NUP98: variants seen among roughly 807,000 people sequenced by gnomAD.
NUP98 encodes the protein nuclear pore complex protein Nup98-Nup96.
Under a neutral mutation model 191.9 loss-of-function variants are expected in NUP98, and 26 were observed. The ratio of observed to expected loss-of-function variants is 0.14; its 90% CI spans 0.10 to 0.19. The LOEUF is 0.19. Ranked by LOEUF, NUP98 falls within the 10% of genes least tolerant of loss-of-function variation. The probability of loss-of-function intolerance (pLI) is 1.00; values close to 1 mark genes in which losing one functional copy is unlikely to be tolerated. For missense variants in NUP98, 1,941 were observed against 2,178.8 expected (o/e 0.89, Z 2.17); for synonymous variants, 808 against 778.4 (o/e 1.04, Z -0.63).
At chr11:3,770,547 T>TTGTGTG (rs34103771) in intron 7 of NUP98, among the ~76,000 whole-genome samples, 104 of 147,074 alleles carry the variant, frequency 7.1e-4, no homozygotes, top group African/African-American at 1.8e-3. Context: ...AAATACGTAT[T>TTGTGTG]TGTGTGTGTG....
intron 22 of NUP98, 86 bp downstream of exon 22, chr11:3,705,114 T>C: frequency 1.6e-6 from 2 of 1,283,970 alleles, no homozygotes; most frequent in Non-Finnish European, 2.2e-6. Flanking sequence ...GCTAGAGAAG[T>C]CCACTTGGGT....
chr11:3,777,620 CAAAA>C (rs35614116), intron 4 of NUP98, among the ~76,000 whole-genome samples: 1 of 59,466 alleles, frequency 1.7e-5, no homozygotes. Flanking sequence ...GACTCCGTCT[CAAAA>C]AAAAAAAAAA....
chr11:3,713,777 A>G (rs757346872), intron 19 of NUP98, 41 bp downstream of exon 19: 97 of 1,569,316 alleles, frequency 6.2e-5, no homozygotes, highest in Non-Finnish European at 7.7e-5. Context: ...GTGACTCCAA[A>G]TATAGTTTAT....
chr11:3,743,082 G>A (rs889494927), intron 12 of NUP98, among the ~76,000 whole-genome samples: 3 of 151,888 alleles, frequency 2.0e-5, no homozygotes, highest in East Asian at 2.0e-4. Flanking sequence ...GTAGTGGCGC[G>A]ATCTCGGCTC....
At chr11:3,769,891 A>G (rs538623814) in intron 7 of NUP98, among the ~76,000 whole-genome samples, 1 of 152,016 alleles carries the variant, frequency 6.6e-6, no homozygotes, top group South Asian at 2.1e-4. Context: ...AAAATACAAA[A>G]AAATCAGCCA....
chr11:3,683,721 A>G (rs1049295655), intron 29 of NUP98, among the ~76,000 whole-genome samples: 14 of 151,624 alleles, frequency 9.2e-5, no homozygotes, highest in Non-Finnish European at 1.9e-4. Context: ...TAATTTTAGT[A>G]GAGGCAGGGT....
At chr11:3,700,459 G>A in intron 24 of NUP98, 151 bp downstream of exon 24, 1 of 538,286 alleles carries the variant, frequency 1.9e-6, no homozygotes, top group Non-Finnish European at 3.3e-6. Flanking sequence ...CTTCTTGCTT[G>A]GGAATCTGCT....
At chr11:3,684,357 A>G (rs1222033350) in intron 29 of NUP98, among the ~76,000 whole-genome samples, 2 of 152,240 alleles carry the variant, frequency 1.3e-5, no homozygotes, top group Non-Finnish European at 2.9e-5. Flanking sequence ...AGGCGGACAG[A>G]TCACGAGGTC....
At chr11:3,690,391 C>A (rs1188593783) in intron 28 of NUP98, among the ~76,000 whole-genome samples, 3 of 152,096 alleles carry the variant, frequency 2.0e-5, no homozygotes, top group Non-Finnish European at 4.4e-5. Context: ...TCCTGAGTAG[C>A]TGGGACTACG....
intron 1 of NUP98, among the ~76,000 whole-genome samples, chr11:3,795,464 A>T (rs1298296219): frequency 6.6e-6 from 1 of 152,094 alleles, no homozygotes; most frequent in African/African-American, 2.4e-5. Context: ...ATAAACAAAT[A>T]AATGTCAGGG....
rs2078606534 is a variant in NUP98, at chr11:3,699,308, G to T, written c.3783C>A (p.Ala1261=). ...CAAGCTCCTTCAGGTGGCCCCATAG[G>T]GCTTCACATAGTGTCCATGTCAGGC... The part of the protein sequence containing the change: ...HWSLTWTLCE[A]LWGHLKELDS... Residue 1261 remains alanine (A), a synonymous_variant, in exon 25 of 33, where the codon GCC becomes GCA. Transcript: ENST00000324932. 1 of 1,614,014 alleles carries T rather than the reference G, an allele frequency of 6.2e-7. No individual in the cohort carries two copies. Among genetic ancestry groups the T allele is most frequent in the Non-Finnish European group, 8.5e-7 (1 of 1,180,048 alleles).
At chr11:3,796,590 C>A (rs940657673) in intron 1 of NUP98, among the ~76,000 whole-genome samples, 12 of 152,192 alleles carry the variant, frequency 7.9e-5, no homozygotes, top group Admixed American at 6.5e-4. Flanking sequence ...ACTACATCTA[C>A]GTTTAGCTAC....
chr11:3,782,569 CATTT>C (rs1217747793), intron 1 of NUP98, among the ~76,000 whole-genome samples: 1 of 121,996 alleles, frequency 8.2e-6, no homozygotes, highest in African/African-American at 3.1e-5. Context: ...AAAAAGCTAA[CATTT>C]TTTTTTTTTT....
intron 2 of NUP98, chr11:3,781,276 G>T (rs1157009494): frequency 6.6e-6 from 1 of 151,516 alleles, no homozygotes; most frequent in African/African-American, 2.4e-5. Context: ...CCTCCTCCTG[G>T]AAAGAAAGAG....
intron 2 of NUP98, among the ~76,000 whole-genome samples, chr11:3,780,376 A>T (rs1201212386): frequency 6.7e-6 from 1 of 149,068 alleles, no homozygotes; most frequent in African/African-American, 2.4e-5. Context: ...TTAAAATAAA[A>T]AAAAAAAAAA....
intron 25 of NUP98, among the ~76,000 whole-genome samples, chr11:3,698,725 C>CAAAAAAAA (rs549214359): frequency 2.8e-5 from 1 of 35,752 alleles, no homozygotes; most frequent in African/African-American, 1.2e-4. Flanking sequence ...GAAACTGTCT[C>CAAAAAAAA]AAAAAAAAAA....
chr11:3,739,195 A>G (rs2080185734), intron 12 of NUP98, among the ~76,000 whole-genome samples: 1 of 152,214 alleles, frequency 6.6e-6, no homozygotes, highest in South Asian at 2.1e-4. Context: ...ATATTACAAT[A>G]ATTTATGCTA....
chr11:3,681,647 T>C (rs2077988805), intron 30 of NUP98, among the ~76,000 whole-genome samples: 1 of 152,142 alleles, frequency 6.6e-6, no homozygotes, highest in African/African-American at 2.4e-5. Flanking sequence ...AACAGTGGGC[T>C]TAAAGTATTC....
intron 13 of NUP98, among the ~76,000 whole-genome samples, chr11:3,732,972 G>C (rs768757119): frequency 5.3e-5 from 8 of 152,146 alleles, no homozygotes; most frequent in Non-Finnish European, 1.2e-4. Context: ...TTCCTCTTCT[G>C]AAAACAAAGC....
Sources: gnomAD v4.1 joint callset for allele counts (sites outside exome capture counted in the v4.1 genomes callset) on GRCh38, gnomAD v4.1.1 for gene constraint, MANE v1.5 for transcripts, NCBI Gene and HGNC (gene_info 2026-07-23, HGNC 2026-07-21) for gene names.